Variants in ITFG1 observed in about 807,000 individuals in gnomAD.
ITFG1 encodes the protein integrin alpha FG-GAP repeat containing 1, also known as T-cell immunomodulatory protein.
In ITFG1, 34 loss-of-function variants were observed where a neutral mutation model predicts 81.8. The observed-to-expected ratio is 0.42, with a 90% confidence interval of 0.32 to 0.55. The LOEUF (loss-of-function observed/expected upper bound fraction) is 0.55. ITFG1 is among the 20% of genes least tolerant of loss of function. The pLI is 0.17. For missense variants in ITFG1, 672 were observed against 755.4 expected (o/e 0.89, Z 1.29); for synonymous variants, 285 against 270.6 (o/e 1.05, Z -0.52).
intron 6 of ITFG1, among the ~76,000 whole-genome samples, chr16:47,376,145 G>T (rs1374894155): frequency 1.3e-5 from 2 of 150,930 alleles, no homozygotes; most frequent in Non-Finnish European, 3.0e-5. Context: ...GAGGATATTT[G>T]GTATTAGTCC....
At chr16:47,345,908 G>T (rs984212806) in intron 8 of ITFG1, among the ~76,000 whole-genome samples, 3 of 152,112 alleles carry the variant, frequency 2.0e-5, no homozygotes, top group Non-Finnish European at 4.4e-5. Flanking sequence ...AAATATTAAT[G>T]GGCACGAATA....
intron 14 of ITFG1, among the ~76,000 whole-genome samples, chr16:47,173,792 G>A (rs1038208132): frequency 6.6e-6 from 1 of 152,188 alleles, no homozygotes; most frequent in African/African-American, 2.4e-5. Flanking sequence ...TATAATCCCA[G>A]CACTTTGGGA....
rs1296205841 is a variant in ITFG1, at chr16:47,452,768, G to A, written c.450C>T (p.Leu150=). Reference sequence around the variant, plus strand: ...GTGGCTCATCTTGAAAAGTCCTATTGAGTATGGTCATATTGTTAGGATCTG... The same window carrying A: ...GTGGCTCATCTTGAAAAGTCCTATTAAGTATGGTCATATTGTTAGGATCTG... ...QTLDPNNMTI[L]NRTFQDEPLI... Residue 150 remains leucine (L), a synonymous_variant, in exon 4 of 18, where the codon CTC becomes CTT. Transcript: ENST00000320640. 1.3e-6 allele frequency: 2 copies of A among 1,579,844 alleles called. No homozygotes were observed. Among genetic ancestry groups the A allele is most frequent in the African/African-American group, 1.4e-5 (1 of 73,680 alleles).
intron 10 of ITFG1, among the ~76,000 whole-genome samples, chr16:47,303,361 A>C (rs947810389): frequency 1.3e-5 from 2 of 152,134 alleles, no homozygotes; most frequent in African/African-American, 4.8e-5. Flanking sequence ...TTTGCTTATG[A>C]AGAAAGTGAG....
At chr16:47,348,544 G>A (rs1005124511) in intron 8 of ITFG1, among the ~76,000 whole-genome samples, 2 of 152,172 alleles carry the variant, frequency 1.3e-5, no homozygotes, top group Non-Finnish European at 2.9e-5. Flanking sequence ...AAGCCTCCAA[G>A]AAATATGGGA....
intron 8 of ITFG1, among the ~76,000 whole-genome samples, chr16:47,360,836 C>G (rs1219259635): frequency 6.6e-6 from 1 of 152,140 alleles, no homozygotes; most frequent in Non-Finnish European, 1.5e-5. Context: ...ATCAGCTCCA[C>G]GATGGTTAAT....
At chr16:47,179,240 G>T (rs977375016) in intron 14 of ITFG1, among the ~76,000 whole-genome samples, 1 of 152,192 alleles carries the variant, frequency 6.6e-6, no homozygotes, top group Non-Finnish European at 1.5e-5. Flanking sequence ...TATACCCAAA[G>T]AATTATAAAT....
Position 47,196,916 on chromosome 16 carries a change from C to T in ITFG1, c.1453+21952G>A, listed in dbSNP as rs147156004. Among the ~76,000 whole-genome samples the T allele has an allele frequency of 1.8e-3, 280 of 152,106 alleles. 1 individual carries two copies. Among genetic ancestry groups the T allele is most frequent in the African/African-American group, 6.3e-3 (261 of 41,484 alleles). ...CTGTACTCCAGCCTAGGTGACAGAGCGAGACCCTGTCTCAAAAAAACAAAA... is the reference window on the plus strand; with the variant it reads ...CTGTACTCCAGCCTAGGTGACAGAGTGAGACCCTGTCTCAAAAAAACAAAA... On this transcript the variant is annotated intron_variant, in intron 14 of 17. Transcript: ENST00000320640.
Position 47,454,341 on chromosome 16 carries a change from T to C in ITFG1, c.282-183A>G, listed in dbSNP as rs113793270. 5.5e-4 allele frequency among the ~76,000 whole-genome samples: 83 copies of C among 152,274 alleles called. 2 individuals carry two copies. The highest frequency in any genetic ancestry group is 1.9e-3 in the African/African-American group (77 of 41,554). On this transcript the variant is annotated intron_variant, in intron 2 of 17. Transcript: ENST00000320640. ...TAGACCTCTTTGGTCTAAAAAAGAG[T>C]TCAGAATGAATGCAGAATAGTCTCA...
At chr16:47,416,933 A>G (rs1047850394) in intron 6 of ITFG1, among the ~76,000 whole-genome samples, 2 of 152,366 alleles carry the variant, frequency 1.3e-5, no homozygotes, top group East Asian at 3.9e-4. Flanking sequence ...CTAAATTTGT[A>G]GGACATGACA....
chr16:47,202,341 G>T (rs1214899663), intron 14 of ITFG1: 1 of 152,108 alleles, frequency 6.6e-6, no homozygotes, highest in Non-Finnish European at 1.5e-5. Flanking sequence ...ATTTAACGTC[G>T]AAAGAAAATT....
intron 10 of ITFG1, among the ~76,000 whole-genome samples, chr16:47,283,618 A>T (rs1185859348): frequency 6.6e-6 from 1 of 152,232 alleles, no homozygotes; most frequent in Non-Finnish European, 1.5e-5. Context: ...AAGAAGCTGG[A>T]AAAGGCAGGG....
At chr16:47,309,071 T>C (rs952371670) in intron 10 of ITFG1, among the ~76,000 whole-genome samples, 8 of 149,098 alleles carry the variant, frequency 5.4e-5, no homozygotes, top group East Asian at 1.9e-4. Flanking sequence ...ATAACTTCTT[T>C]TTTTTTTTTT....
intron 8 of ITFG1, among the ~76,000 whole-genome samples, chr16:47,320,064 G>T (rs1187630465): frequency 6.6e-6 from 1 of 152,044 alleles, no homozygotes; most frequent in Non-Finnish European, 1.5e-5. Context: ...CAGGATTATG[G>T]GCGTGTGCCA....
chr16:47,169,876 G>A (rs1392128053), intron 14 of ITFG1, among the ~76,000 whole-genome samples: 1 of 152,092 alleles, frequency 6.6e-6, no homozygotes, highest in Admixed American at 6.6e-5. Flanking sequence ...CTAGTTTGCT[G>A]AGTGTTTTAA....
intron 7 of ITFG1, among the ~76,000 whole-genome samples, chr16:47,367,664 T>C (rs1456860190): frequency 6.6e-6 from 1 of 152,218 alleles, no homozygotes. Flanking sequence ...AAAACCCAAA[T>C]GCTTGAGGAC....
intron 5 of ITFG1, among the ~76,000 whole-genome samples, chr16:47,437,123 T>G (rs1969177155): frequency 6.6e-6 from 1 of 152,182 alleles, no homozygotes; most frequent in Admixed American, 6.5e-5. Flanking sequence ...TAAGAAACTA[T>G]TCTTAGTTTT....
At chr16:47,281,645 T>C (rs1042295610) in intron 10 of ITFG1, among the ~76,000 whole-genome samples, 1 of 152,172 alleles carries the variant, frequency 6.6e-6, no homozygotes, top group Non-Finnish European at 1.5e-5. Flanking sequence ...TAAGTCAAAG[T>C]TGTCAATTTA....
intron 6 of ITFG1, among the ~76,000 whole-genome samples, chr16:47,377,226 C>A (rs1486702165): frequency 1.3e-5 from 2 of 152,092 alleles, no homozygotes; most frequent in African/African-American, 4.8e-5. Flanking sequence ...ACTCCTCATT[C>A]CAAGTGGAAC....
Sources: gnomAD v4.1 joint callset for allele counts (sites outside exome capture counted in the v4.1 genomes callset) on GRCh38, gnomAD v4.1.1 for gene constraint, MANE v1.5 for transcripts, NCBI Gene and HGNC (gene_info 2026-07-23, HGNC 2026-07-21) for gene names.